The following RAPGEF4 variants were observed in gnomAD, a reference collection of about 807,000 sequenced individuals.
The protein encoded by RAPGEF4 is RAP guanine-nucleotide-exchange factor (GEF) 4.
Under a neutral mutation model 147.9 loss-of-function variants are expected in RAPGEF4, and 66 were observed. The observed-to-expected ratio is 0.45, with a 90% CI of 0.37 to 0.55. The LOEUF (loss-of-function observed/expected upper bound fraction) is 0.55. Ranked by LOEUF, RAPGEF4 falls within the 20% of genes least tolerant of loss-of-function variation. The probability of loss-of-function intolerance (pLI) is 0.00; values close to 1 mark genes in which losing one functional copy is unlikely to be tolerated. For synonymous variants in RAPGEF4, 419 were observed against 442.7 expected, an observed-to-expected ratio of 0.95 and a Z score of 0.67; for missense variants, 1,071 against 1,257.3, an observed-to-expected ratio of 0.85 and a Z score of 2.24.
intron 1 of RAPGEF4, among the ~76,000 whole-genome samples, chr2:172,742,670 T>C (rs1353112072): frequency 1.3e-5 from 2 of 152,194 alleles, no homozygotes; most frequent in African/African-American, 4.8e-5. Context: ...GCACATGACA[T>C]ATATATTTGG....
chr2:172,873,575 T>G (rs1695498562), intron 4 of RAPGEF4, among the ~76,000 whole-genome samples: 2 of 152,184 alleles, frequency 1.3e-5, no homozygotes, highest in African/African-American at 4.8e-5. Flanking sequence ...ATGATTTAGG[T>G]AAAGATTTCC....
chr2:172,851,307 T>G (rs1006265112), intron 4 of RAPGEF4, among the ~76,000 whole-genome samples: 1 of 152,182 alleles, frequency 6.6e-6, no homozygotes, highest in African/African-American at 2.4e-5. Context: ...AAGAGTGTGG[T>G]TGGTATGATT....
chr2:172,870,595 A>T (rs1695131557), intron 4 of RAPGEF4, among the ~76,000 whole-genome samples: 1 of 152,044 alleles, frequency 6.6e-6, no homozygotes, highest in African/African-American at 2.4e-5. Flanking sequence ...GGCTTCAGTA[A>T]CAAAGTTCTG....
chr2:172,741,017 A>G lies in RAPGEF4; in HGVS notation c.65+4969A>G, dbSNP rs145681651. The stretch of plus-strand genomic sequence containing the variant: ...TCCGTTTTCTGCATTTACAATGAGA[A>G]GCCAAGCTGCCAGGAGGTCAGGATG... On this transcript the variant is annotated intron_variant, in intron 1 of 30. Transcript: ENST00000397081. 1.3e-3 allele frequency among the ~76,000 whole-genome samples: 196 copies of G among 152,324 alleles called. 1 individual carries two copies. The highest frequency in any genetic ancestry group is 4.5e-3 in the African/African-American group (187 of 41,574).
intron 8 of RAPGEF4, 89 bp downstream of exon 8, chr2:172,961,317 G>A: frequency 9.4e-7 from 1 of 1,063,686 alleles, no homozygotes; most frequent in South Asian, 1.4e-5. Flanking sequence ...TTTTCCATGT[G>A]GGCGCAGCCC....
chr2:172,875,596 C>T (rs1695819010), intron 4 of RAPGEF4, among the ~76,000 whole-genome samples: 1 of 152,074 alleles, frequency 6.6e-6, no homozygotes, highest in Admixed American at 6.6e-5. Context: ...TGTTCTGTTC[C>T]ATTGTTCTAT....
intron 4 of RAPGEF4, among the ~76,000 whole-genome samples, chr2:172,906,543 A>T (rs1699650723): frequency 6.6e-6 from 1 of 152,218 alleles, no homozygotes; most frequent in African/African-American, 2.4e-5. Flanking sequence ...GCCTGATGAT[A>T]GCCCAGGAGG....
intron 4 of RAPGEF4, among the ~76,000 whole-genome samples, chr2:172,850,597 C>T (rs530168821): frequency 6.6e-6 from 1 of 150,682 alleles, no homozygotes; most frequent in Non-Finnish European, 1.5e-5. Flanking sequence ...CAGCCTGGGC[C>T]ACAGAGCGAG....
At chr2:172,822,343 A>G (rs1689159432) in intron 4 of RAPGEF4, among the ~76,000 whole-genome samples, 1 of 152,252 alleles carries the variant, frequency 6.6e-6, no homozygotes, top group Non-Finnish European at 1.5e-5. Context: ...AATGTCACAT[A>G]TTAAAAATGA....
At chr2:172,804,862 C>T (rs1687327844) in intron 3 of RAPGEF4, among the ~76,000 whole-genome samples, 1 of 152,192 alleles carries the variant, frequency 6.6e-6, no homozygotes, top group Non-Finnish European at 1.5e-5. Flanking sequence ...ACTTCAGGCC[C>T]TCTCTTAGGA....
chr2:172,944,214 C>A (rs959245298), intron 6 of RAPGEF4, among the ~76,000 whole-genome samples: 5 of 152,038 alleles, frequency 3.3e-5, no homozygotes, highest in Non-Finnish European at 2.9e-5. Context: ...CTGGGAGGAG[C>A]CTCACTGTAG....
At chr2:173,026,178 G>A (rs958206432) in intron 23 of RAPGEF4, among the ~76,000 whole-genome samples, 49 of 152,152 alleles carry the variant, frequency 3.2e-4, no homozygotes, top group African/African-American at 1.1e-3. Flanking sequence ...CTGCCATGCC[G>A]TTACCTGCTT....
Position 173,048,649 on chromosome 2 carries a change from C to A in RAPGEF4, c.2903C>A (p.Pro968His). 6.2e-7 allele frequency: 1 copy of A among 1,614,034 alleles called. No homozygotes were observed. The highest frequency in any genetic ancestry group is 8.5e-7 in the Non-Finnish European group (1 of 1,180,008). ...ARTVRYYRSQ[P>H]FNPDAAQANK... is the part of the protein sequence containing the mutation. ...ACAGTGAGATACTACAGGAGCCAACCCTTCAGTAAGTTAAGTGCTGCCACC... is the reference window on the plus strand; with the variant it reads ...ACAGTGAGATACTACAGGAGCCAACACTTCAGTAAGTTAAGTGCTGCCACC... The change falls in exon 30 of 31, where the codon CCC becomes CAC. Residue 968 changes from proline (P) to histidine (H), a missense_variant. By Grantham distance (77) the Pro-to-His change is moderately conservative. Coordinates refer to ENST00000397081, the MANE Select transcript of RAPGEF4 (RefSeq NM_007023.4).
intron 6 of RAPGEF4, among the ~76,000 whole-genome samples, chr2:172,931,521 A>G (rs1685976727): frequency 6.6e-6 from 1 of 152,192 alleles, no homozygotes; most frequent in African/African-American, 2.4e-5. Flanking sequence ...CTTGGCTCAG[A>G]CAGGAGAATC....
At chr2:172,782,080 A>T (rs759920960) in intron 1 of RAPGEF4, among the ~76,000 whole-genome samples, 1 of 152,152 alleles carries the variant, frequency 6.6e-6, no homozygotes, top group African/African-American at 2.4e-5. Flanking sequence ...ACACCTGGGG[A>T]GGTGGCAAGA....
rs191801104 is a variant in RAPGEF4, at chr2:172,895,738, G to A, written c.445-22064G>A. Among the ~76,000 whole-genome samples the A allele has an allele frequency of 1.8e-3, 267 of 152,124 alleles. 1 individual carries two copies. The highest frequency in any genetic ancestry group is 3.7e-3 in the South Asian group (18 of 4,820). ...ATGAGTATCTTATTTTTGTATATGG[G>A]GAAAAAGGAATTGGGAGAGGAGGGG... On this transcript the variant is annotated intron_variant, in intron 4 of 30. Coordinates refer to ENST00000397081, the MANE Select transcript of RAPGEF4 (RefSeq NM_007023.4).
At chr2:172,918,371 C>CACACA (rs1553529400) in intron 5 of RAPGEF4, among the ~76,000 whole-genome samples, 1 of 137,638 alleles carries the variant, frequency 7.3e-6, no homozygotes, top group Admixed American at 7.3e-5. Flanking sequence ...GATGCTCTTA[C>CACACA]CACACACACA....
intron 23 of RAPGEF4, among the ~76,000 whole-genome samples, chr2:173,023,897 G>A (rs1469847022): frequency 6.6e-6 from 1 of 152,204 alleles, no homozygotes; most frequent in Admixed American, 6.5e-5. Context: ...AGCTGCAAGA[G>A]GGAAGGAAGA....
At chr2:173,044,733 G>A (rs746312107) in intron 29 of RAPGEF4, among the ~76,000 whole-genome samples, 13 of 152,158 alleles carry the variant, frequency 8.5e-5, no homozygotes, top group Admixed American at 2.0e-4. Context: ...TCCCCTACAC[G>A]GATCCGGAGC....
Sources: gnomAD v4.1 joint callset for allele counts (sites outside exome capture counted in the v4.1 genomes callset) on GRCh38, gnomAD v4.1.1 for gene constraint, MANE v1.5 for transcripts, NCBI Gene and HGNC (gene_info 2026-07-23, HGNC 2026-07-21) for gene names.